Variants in EPS8L3 observed in about 807,000 individuals in gnomAD.
The protein encoded by EPS8L3 is epidermal growth factor receptor kinase substrate 8-like protein 3.
A neutral mutation model predicts 88.5 loss-of-function variants in EPS8L3; 80 were observed. The ratio of observed to expected loss-of-function variants is 0.90; its 90% CI spans 0.75 to 1.09. The LOEUF (loss-of-function observed/expected upper bound fraction) is 1.09. Among genes scored for constraint, EPS8L3 ranks in the 50% least tolerant of loss-of-function variants. The pLI is 0.00. For synonymous variants in EPS8L3, 286 were observed against 291.0 expected (o/e 0.98, Z 0.18); for missense variants, 721 against 735.2 (o/e 0.98, Z 0.22).
chr1:109,761,474 G>A (rs192893413), intron 3 of EPS8L3, 21 bp downstream of exon 3: 25 of 1,598,962 alleles, frequency 1.6e-5, no homozygotes, highest in Admixed American at 6.7e-5. Flanking sequence ...GACACTGCCC[G>A]GGGGCTGCAG....
intron 10 of EPS8L3, 121 bp downstream of exon 10, chr1:109,757,681 G>A: frequency 7.2e-7 from 1 of 1,381,696 alleles, no homozygotes; most frequent in East Asian, 2.4e-5. Flanking sequence ...GGGGAGGGGA[G>A]GTTCTAGGGG....
chr1:109,750,366 T>G lies in EPS8L3; in HGVS notation c.*25A>C, dbSNP rs1016482668. ...GCCATCTTGCATCAGCGGGGCCTGG[T>G]TCTTGGAGGTGTCTAAGCTGGTGCC... On this transcript the variant is annotated 3_prime_UTR_variant, in exon 19 of 19. Coordinates refer to ENST00000361965, the MANE Select transcript of EPS8L3 (RefSeq NM_133181.4). 2.5e-6 allele frequency: 4 copies of G among 1,613,382 alleles called. No homozygotes were observed. The highest frequency in any genetic ancestry group is 3.4e-6 in the Non-Finnish European group (4 of 1,179,788).
rs749807649 is a variant in EPS8L3 at position 109,758,617 on chromosome 1, G to A, written c.508C>T (p.Pro170Ser). The change falls in exon 7 of 19, where the codon CCT becomes TCT. Residue 170 changes from proline to serine, a missense_variant. Pro to Ser is a moderately conservative substitution (Grantham distance 74, BLOSUM62 -1). Transcript: ENST00000361965. ...LQPGQDRWRG[P>S]AMERPLPMEQ... Reference sequence around the variant, plus strand: ...ATAGGGAGCGGCCTTTCCATAGCAGGCCCCCTCCATCTGTCCTGGCCTGGC... The same window carrying A: ...ATAGGGAGCGGCCTTTCCATAGCAGACCCCCTCCATCTGTCCTGGCCTGGC... 2.5e-6 allele frequency: 4 copies of A among 1,611,966 alleles called. No homozygotes were observed. Among genetic ancestry groups the A allele is most frequent in the Admixed American group, 1.7e-5 (1 of 59,682 alleles).
rs1347545792 is a variant in EPS8L3, at chr1:109,751,685, G to A, written c.1532C>T (p.Thr511Ile). 4 of 1,613,894 alleles carry A rather than the reference G, an allele frequency of 2.5e-6. No homozygotes were observed. Among genetic ancestry groups the A allele is most frequent in the Non-Finnish European group, 3.4e-6 (4 of 1,179,998 alleles). The change falls in exon 16 of 19, where the codon ACC becomes ATC. Residue 511 changes from threonine (T) to isoleucine (I), a missense_variant. By Grantham distance (89) the Thr-to-Ile change is moderately conservative. Transcript: ENST00000361965. ...SNILEPLQPG[T>I]PGTQGQSPSR... The stretch of plus-strand genomic sequence containing the variant: ...GGGTGACTGGCCCTGGGTCCCAGGG[G>A]TCCCCGGCTGTAGGGGCTCCAGGAT...
chr1:109,751,912 C>A, intron 15 of EPS8L3, 83 bp downstream of exon 15: 1 of 1,564,866 alleles, frequency 6.4e-7, no homozygotes, highest in Non-Finnish European at 8.7e-7. Flanking sequence ...CTTGGCAGCT[C>A]CATCCCTGGA....
At position 109,758,386 on chromosome 1, in the gene EPS8L3, C is replaced by T. The variant is rs141685896; in HGVS notation, c.647G>A (p.Arg216Gln). The change falls in exon 8 of 19, where the codon CGA (arginine) becomes CAA (glutamine). Residue 216 changes from arginine to glutamine, a missense_variant. Transcript: ENST00000361965. ...PRPLPRHTSAREPSAFTLPPP... is the reference protein window; with the variant it reads ...PRPLPRHTSAQEPSAFTLPPP... The stretch of plus-strand genomic sequence containing the variant: ...AGGCAGAGTAAAGGCACTTGGTTCT[C>T]GGGCACTGGTGTGGCGTGGCAGGGG... The T allele has an allele frequency of 7.4e-6, 12 of 1,612,656 alleles. No homozygotes were observed. The highest frequency in any genetic ancestry group is 2.2e-5 in the East Asian group (1 of 44,884).
chr1:109,758,101 C>T, intron 8 of EPS8L3, 43 bp from the exon 9 acceptor site: 2 of 1,569,134 alleles, frequency 1.3e-6, no homozygotes, highest in Non-Finnish European at 1.8e-6. Flanking sequence ...GCAGTTGGGC[C>T]CACCCTGGAA....
rs1184310454 is a variant in EPS8L3 at position 109,759,002 on chromosome 1, G to C, written c.461+60C>G. 4.0e-6 allele frequency: 6 copies of C among 1,510,868 alleles called. No individual in the cohort carries two copies. In the African/African-American group the frequency reaches 8.3e-5, roughly 21 times the overall value. The allele number at this position is 1,510,868 out of a possible 1,614,324, so 93.6% of individuals were successfully genotyped here. On this transcript the variant is annotated intron_variant, in intron 6 of 18. Coordinates refer to ENST00000361965, the MANE Select transcript of EPS8L3 (RefSeq NM_133181.4). The surrounding 1 kb of genome is among the most constrained non-coding windows in gnomAD (Gnocchi z 4.2). ...GGGTGCCCCAAGATATGGGGTCAGGGTCTGGCCCCCGAGGCTGAGCTGGGA... is the reference window on the plus strand; with the variant it reads ...GGGTGCCCCAAGATATGGGGTCAGGCTCTGGCCCCCGAGGCTGAGCTGGGA...
chr1:109,762,405 G>A (rs891919559), intron 1 of EPS8L3, among the ~76,000 whole-genome samples: 8 of 151,954 alleles, frequency 5.3e-5, no homozygotes, highest in African/African-American at 9.7e-5. Context: ...GTCCCCTCCT[G>A]ACCCCAACCC....
intron 11 of EPS8L3, 53 bp downstream of exon 11, chr1:109,757,428 C>T (rs1025625529): frequency 6.5e-7 from 1 of 1,545,464 alleles, no homozygotes; most frequent in Non-Finnish European, 8.9e-7. Context: ...TCTCTCTACT[C>T]CTTCTTGACT....
chr1:109,750,608 C>G, intron 18 of EPS8L3, 52 bp downstream of exon 18: 1 of 1,611,626 alleles, frequency 6.2e-7, no homozygotes, highest in Non-Finnish European at 8.5e-7. Flanking sequence ...TCTCTCTCAC[C>G]CAGGAGCACC....
At chr1:109,760,998 A>G (rs1013115435) in intron 3 of EPS8L3, among the ~76,000 whole-genome samples, 4 of 152,108 alleles carry the variant, frequency 2.6e-5, no homozygotes, top group Admixed American at 6.5e-5. Context: ...GGAGCTGCTC[A>G]CAGTCACCCT....
At chr1:109,757,722 G>A (rs1650427345) in intron 10 of EPS8L3, 80 bp downstream of exon 10, 5 of 1,505,516 alleles carry the variant, frequency 3.3e-6, no homozygotes, top group Admixed American at 1.7e-5. Flanking sequence ...GGCTTGGGAT[G>A]GTTGAGTCCA....
At chr1:109,753,031 T>C (rs1160097088) in intron 13 of EPS8L3, 86 bp downstream of exon 13, 14 of 1,224,514 alleles carry the variant, frequency 1.1e-5, no homozygotes, top group African/African-American at 3.0e-5. Flanking sequence ...GTCACACTAG[T>C]TGTGTGACCA....
Position 109,759,940 on chromosome 1 carries a change from G to C in EPS8L3, c.97-104C>G. The C allele has an allele frequency of 7.9e-7, 1 of 1,266,364 alleles. No individual in the cohort carries two copies. The highest frequency in any genetic ancestry group is 2.4e-5 in the East Asian group (1 of 41,812). 78.4% of individuals were successfully genotyped at this position (1,266,364 alleles called of 1,614,324 possible). On this transcript the variant is annotated intron_variant, in intron 3 of 18. Transcript: ENST00000361965. This position sits in a 1 kb window ranked among gnomAD's most constrained non-coding sequence, Gnocchi z 4.2. Reference sequence around the variant, plus strand: ...AGAAGAGGAAGAAGACGTGTCCTCGGCCCCCTTGAGGTAGGAGGTTCCAGG... The same window carrying C: ...AGAAGAGGAAGAAGACGTGTCCTCGCCCCCCTTGAGGTAGGAGGTTCCAGG...
In EPS8L3 at chr1:109,750,234, G is replaced by T; in HGVS notation, c.*157C>A. The T allele has an allele frequency of 2.4e-6, 2 of 842,564 alleles. No homozygotes were observed. Among genetic ancestry groups the T allele is most frequent in the Non-Finnish European group, 1.9e-6 (1 of 529,188 alleles). The allele number at this position is 842,564 out of a possible 1,614,324, so 52.2% of individuals were successfully genotyped here. The stretch of plus-strand genomic sequence containing the variant: ...GCCAGAAGGGACACTGTTTGCTTCA[G>T]CCTCTGGGCCTGTCCATTGTTTTTG... On this transcript the variant is annotated 3_prime_UTR_variant, in exon 19 of 19. Coordinates refer to ENST00000361965, the MANE Select transcript of EPS8L3 (RefSeq NM_133181.4).
intron 12 of EPS8L3, 49 bp downstream of exon 12, chr1:109,756,968 C>G: frequency 6.2e-7 from 1 of 1,612,490 alleles, no homozygotes; most frequent in South Asian, 1.1e-5. Flanking sequence ...CTGCCTGATG[C>G]CTCCATGCCC....
Position 109,759,455 on chromosome 1 carries a change from C to G in EPS8L3, c.256-68G>C. ...GGTGTGGCTTCTGGGAGCTCCTGAC[C>G]AGCTCATCCTAGCCCTTTGGTGGCC... On this transcript the variant is annotated intron_variant, in intron 4 of 18. Transcript: ENST00000361965. This position sits in a 1 kb window ranked among gnomAD's most constrained non-coding sequence, Gnocchi z 4.2. The G allele has an allele frequency of 6.3e-7, 1 of 1,586,314 alleles. No individual in the cohort carries two copies. Among genetic ancestry groups the G allele is most frequent in the Non-Finnish European group, 8.6e-7 (1 of 1,166,516 alleles).
intron 11 of EPS8L3, 88 bp from the exon 12 acceptor site, chr1:109,757,253 C>T: frequency 7.0e-7 from 1 of 1,429,206 alleles, no homozygotes; most frequent in Non-Finnish European, 9.4e-7. Context: ...TGGCTTCCCA[C>T]TTTTGCAATG....
Sources: allele counts gnomAD v4.1 joint callset (sites outside exome capture counted in the v4.1 genomes callset), GRCh38; gene constraint gnomAD v4.1.1; non-coding constraint Gnocchi (gnomAD v3.1); transcripts MANE v1.5; gene names NCBI Gene and HGNC (gene_info 2026-07-23, HGNC 2026-07-21).